CMC1: variants seen among roughly 807,000 people sequenced by gnomAD.
CMC1 encodes the protein C-X9-C motif containing 1.
Under a neutral mutation model 14.1 loss-of-function variants are expected in CMC1, and 14 were observed. The ratio of observed to expected loss-of-function variants is 0.99; its 90% confidence interval spans 0.66 to 1.55. The LOEUF (loss-of-function observed/expected upper bound fraction) is 1.55, where lower values mean the gene tolerates loss of function less well. CMC1 is among the 40% of genes most tolerant of loss of function. CMC1 has a pLI of 0.00. For synonymous variants in CMC1, 50 were observed against 38.4 expected, an observed-to-expected ratio of 1.30 and a Z score of -1.12; for missense variants, 127 against 123.8, an observed-to-expected ratio of 1.03 and a Z score of -0.12.
At chr3:28,305,779 A>ATTTTTTTTTTTTTTTTTTTT (rs71087685) in intron 2 of CMC1, among the ~76,000 whole-genome samples, 2 of 43,570 alleles carry the variant, frequency 4.6e-5, no homozygotes, top group African/African-American at 1.1e-4. Flanking sequence ...TTTCATAGGA[A>ATTTTTTTTTTTTTTTTTTTT]TTTTTTTTTT....
chr3:28,283,109 TA>T (rs1206514364), intron 2 of CMC1, among the ~76,000 whole-genome samples: 1 of 152,188 alleles, frequency 6.6e-6, no homozygotes, highest in Non-Finnish European at 1.5e-5. Flanking sequence ...TGCATAGAAT[TA>T]AAGTGATGGG....
At chr3:28,317,769 G>C (rs567784673) in intron 3 of CMC1, 13 of 152,114 alleles carry the variant, frequency 8.5e-5, no homozygotes, top group Non-Finnish European at 1.5e-4. Context: ...ATATCTTATG[G>C]AGTGATTGTG....
At chr3:28,297,570 G>T (rs1429926701) in intron 2 of CMC1, among the ~76,000 whole-genome samples, 1 of 152,066 alleles carries the variant, frequency 6.6e-6, no homozygotes, top group Non-Finnish European at 1.5e-5. Flanking sequence ...TTTTAGAGCT[G>T]AAATGTTTAA....
intron 2 of CMC1, among the ~76,000 whole-genome samples, chr3:28,277,375 C>G (rs1024319238): frequency 3.3e-5 from 5 of 152,194 alleles, no homozygotes; most frequent in Admixed American, 2.6e-4. Flanking sequence ...TTCCTTTGAG[C>G]ACTTGAACCT....
intron 2 of CMC1, among the ~76,000 whole-genome samples, chr3:28,313,326 A>C (rs1382698697): frequency 6.6e-6 from 1 of 152,184 alleles, no homozygotes; most frequent in African/African-American, 2.4e-5. Context: ...ATCTCTCCGC[A>C]TTCCTACTGT....
chr3:28,267,029 T>A (rs1700037576), intron 2 of CMC1, among the ~76,000 whole-genome samples: 2 of 152,158 alleles, frequency 1.3e-5, no homozygotes, highest in African/African-American at 4.8e-5. Context: ...ACTGTAATGA[T>A]GAAATCATTG....
At chr3:28,266,443 T>C (rs1023401542) in intron 2 of CMC1, among the ~76,000 whole-genome samples, 6 of 152,068 alleles carry the variant, frequency 3.9e-5, no homozygotes, top group African/African-American at 1.4e-4. Context: ...GTGTCAACTC[T>C]TGAATCTTGG....
rs567741514 is a variant in CMC1, at chr3:28,324,441, T to G, written c.*4812T>G. 4 of 1,482,586 alleles carry G rather than the reference T, an allele frequency of 2.7e-6. No homozygotes were observed. In the East Asian group the frequency reaches 9.2e-5, roughly 34 times the overall value. 91.8% of individuals were successfully genotyped at this position (1,482,586 alleles called of 1,614,324 possible). A position where few individuals can be genotyped will look rare whatever the true frequency, so the allele number is the denominator to read the frequency against. On this transcript the variant is annotated 3_prime_UTR_variant, in exon 4 of 4. Coordinates refer to ENST00000466830, the MANE Select transcript of CMC1 (RefSeq NM_182523.2). ...CTCTTCCAAGGTCTTCACTGCATCCTACAGGGGCACAGGCTAAAAAGAAAA... is the reference window on the plus strand; with the variant it reads ...CTCTTCCAAGGTCTTCACTGCATCCGACAGGGGCACAGGCTAAAAAGAAAA...
chr3:28,290,531 C>A (rs560473951), intron 2 of CMC1, among the ~76,000 whole-genome samples: 1 of 152,000 alleles, frequency 6.6e-6, no homozygotes, highest in Non-Finnish European at 1.5e-5. Flanking sequence ...CCATAGGTGA[C>A]GTGATTTTTC....
intron 1 of CMC1, among the ~76,000 whole-genome samples, chr3:28,248,031 T>G (rs534661507): frequency 1.3e-5 from 2 of 152,250 alleles, no homozygotes; most frequent in African/African-American, 4.8e-5. Flanking sequence ...TTTTTTAAGG[T>G]TTAGGATTAA....
chr3:28,252,612 T>C (rs1006020868), intron 1 of CMC1, among the ~76,000 whole-genome samples: 2 of 152,210 alleles, frequency 1.3e-5, no homozygotes. Context: ...CAAATGGTGC[T>C]TCTGAAACAC....
chr3:28,244,725 C>T (rs139859424), intron 1 of CMC1, among the ~76,000 whole-genome samples: 1,612 of 115,888 alleles, frequency 0.014, 25 homozygotes, highest in African/African-American at 0.048. Flanking sequence ...GACTTCGTCT[C>T]AAAAAAAAAA....
intron 2 of CMC1, chr3:28,293,102 A>G (rs949584078): frequency 6.6e-6 from 1 of 152,092 alleles, no homozygotes; most frequent in African/African-American, 2.4e-5. Context: ...TCTAAATAGT[A>G]ATTTTGTGGG....
chr3:28,324,806 TAAAG>T lies in CMC1; in HGVS notation c.*5179_*5182del, dbSNP rs1703322322. 1 of 169,946 alleles carries T rather than the reference TAAAG, an allele frequency of 5.9e-6. No individual in the cohort carries two copies. Among genetic ancestry groups the T allele is most frequent in the African/African-American group, 2.4e-5 (1 of 42,074 alleles). 10.5% of individuals were successfully genotyped at this position (169,946 alleles called of 1,614,324 possible). A position where few individuals can be genotyped will look rare whatever the true frequency, so the allele number is the denominator to read the frequency against. On this transcript the variant is annotated 3_prime_UTR_variant, in exon 4 of 4. Transcript: ENST00000466830. ...GAAACTAATACAGTTAAAATACAAA[TAAAG>T]ATCCTGTTCTTGGCTCTTATTGTGG...
chr3:28,243,733 C>T (rs1698657267), intron 1 of CMC1, among the ~76,000 whole-genome samples: 1 of 152,164 alleles, frequency 6.6e-6, no homozygotes, highest in Non-Finnish European at 1.5e-5. Context: ...AACAGTAGTA[C>T]ATAGGACAAA....
intron 2 of CMC1, among the ~76,000 whole-genome samples, chr3:28,293,265 A>G (rs1201725080): frequency 6.6e-6 from 1 of 151,944 alleles, no homozygotes; most frequent in East Asian, 1.9e-4. Flanking sequence ...GATATTAGAG[A>G]AAAGAGAAGC....
intron 2 of CMC1, among the ~76,000 whole-genome samples, chr3:28,312,197 GGAGAA>G (rs1702670364): frequency 6.6e-6 from 1 of 152,086 alleles, no homozygotes; most frequent in Non-Finnish European, 1.5e-5. Flanking sequence ...TGTAATGCTA[GGAGAA>G]AATAGGCATT....
chr3:28,257,606 C>T (rs986280650), intron 1 of CMC1, among the ~76,000 whole-genome samples: 1 of 152,118 alleles, frequency 6.6e-6, no homozygotes, highest in African/African-American at 2.4e-5. Flanking sequence ...GCAACCTCCG[C>T]CTCCTGGGTT....
At chr3:28,315,967 C>T (rs543311262) in intron 2 of CMC1, 22 of 159,792 alleles carry the variant, frequency 1.4e-4, no homozygotes, top group African/African-American at 4.3e-4. Context: ...TTAAGCAGCC[C>T]ATGATTGTAC....
Sources: gnomAD v4.1 joint callset for allele counts (sites outside exome capture counted in the v4.1 genomes callset) on GRCh38, gnomAD v4.1.1 for gene constraint, MANE v1.5 for transcripts, NCBI Gene and HGNC (gene_info 2026-07-23, HGNC 2026-07-21) for gene names.